Variants in NDST3 observed in about 807,000 individuals in gnomAD.
NDST3 encodes the protein bifunctional heparan sulfate N-deacetylase/N-sulfotransferase 3.
Under a neutral mutation model 96.1 loss-of-function variants are expected in NDST3, and 58 were observed. That is an observed-to-expected ratio of 0.60 (90% CI 0.49 to 0.75). NDST3 has a LOEUF of 0.75. Among genes scored for constraint, NDST3 ranks in the 30% least tolerant of loss-of-function variants. The probability of loss-of-function intolerance (pLI) is 0.00; values close to 1 mark genes in which losing one functional copy is unlikely to be tolerated. For missense variants in NDST3, 788 were observed against 1,034.2 expected (o/e 0.76, Z 3.27); for synonymous variants, 333 against 359.7 (o/e 0.93, Z 0.84).
At chr4:118,128,206 G>A (rs536460633) in intron 4 of NDST3, among the ~76,000 whole-genome samples, 12 of 151,974 alleles carry the variant, frequency 7.9e-5, no homozygotes, top group African/African-American at 2.4e-4. Flanking sequence ...CTCTAGCTAC[G>A]ACTTCCAGTG....
chr4:118,190,247 T>C (rs998110431), intron 6 of NDST3, among the ~76,000 whole-genome samples: 6 of 152,206 alleles, frequency 3.9e-5, no homozygotes, highest in Admixed American at 3.3e-4. Flanking sequence ...TAAAAACCAT[T>C]TTATAATTTT....
chr4:118,192,163 T>C (rs1335800321), intron 6 of NDST3, among the ~76,000 whole-genome samples: 1 of 152,240 alleles, frequency 6.6e-6, no homozygotes, highest in Non-Finnish European at 1.5e-5. Context: ...CTGTTTGAGC[T>C]ACTTATACAT....
At chr4:118,068,578 C>T (rs1726790149) in intron 2 of NDST3, among the ~76,000 whole-genome samples, 2 of 152,004 alleles carry the variant, frequency 1.3e-5, no homozygotes. Flanking sequence ...AATGCAGATT[C>T]CCCAATTCCA....
intron 2 of NDST3, among the ~76,000 whole-genome samples, chr4:118,073,229 G>C (rs1257878439): frequency 1.3e-5 from 2 of 152,014 alleles, no homozygotes; most frequent in East Asian, 3.9e-4. Flanking sequence ...TCAGAATGAT[G>C]CTGATCTCAT....
chr4:118,112,778 A>G (rs1300512005), intron 3 of NDST3, among the ~76,000 whole-genome samples: 1 of 151,978 alleles, frequency 6.6e-6, no homozygotes, highest in Non-Finnish European at 1.5e-5. Context: ...GAGTTTCTAA[A>G]CCCCTGAATC....
chr4:118,109,398 AC>A (rs1292604994), intron 3 of NDST3, among the ~76,000 whole-genome samples: 1 of 152,074 alleles, frequency 6.6e-6, no homozygotes, highest in Non-Finnish European at 1.5e-5. Flanking sequence ...ACTCCTGGCA[AC>A]TCCATTATTT....
intron 2 of NDST3, among the ~76,000 whole-genome samples, chr4:118,067,899 T>G (rs1039346617): frequency 4.6e-5 from 7 of 151,582 alleles, no homozygotes; most frequent in African/African-American, 1.7e-4. Flanking sequence ...TCTACACATG[T>G]ATCCTGGAAC....
chr4:118,083,428 T>A lies in NDST3; in HGVS notation c.982-21590T>A, dbSNP rs147199081. On this transcript the variant is annotated intron_variant, in intron 2 of 13. Coordinates refer to ENST00000296499, the MANE Select transcript of NDST3 (RefSeq NM_004784.3). ...ATTAAATGAGATAGTCCATGTAGAATGCTTAACACAGAGCCTGGTATTCAT... is the reference window on the plus strand; with the variant it reads ...ATTAAATGAGATAGTCCATGTAGAAAGCTTAACACAGAGCCTGGTATTCAT... Among the ~76,000 whole-genome samples, 615 of 152,318 alleles carry A rather than the reference T, an allele frequency of 4.0e-3. 3 individuals are homozygous for A. The highest frequency in any genetic ancestry group is 0.013 in the African/African-American group (551 of 41,580).
intron 6 of NDST3, among the ~76,000 whole-genome samples, chr4:118,222,739 C>G (rs1369089404): frequency 6.6e-6 from 1 of 151,990 alleles, no homozygotes; most frequent in Non-Finnish European, 1.5e-5. Flanking sequence ...ATGTTCTTTA[C>G]TAGCTCATAA....
chr4:118,213,010 C>T (rs981923065), intron 6 of NDST3, among the ~76,000 whole-genome samples: 1 of 152,154 alleles, frequency 6.6e-6, no homozygotes, highest in Admixed American at 6.5e-5. Flanking sequence ...CCCCTATAGT[C>T]TGATGAAAGA....
At chr4:118,203,024 G>C (rs568472852) in intron 6 of NDST3, among the ~76,000 whole-genome samples, 2 of 152,192 alleles carry the variant, frequency 1.3e-5, no homozygotes, top group South Asian at 4.1e-4. Flanking sequence ...TAACATGAAG[G>C]GATGTTGGAT....
intron 4 of NDST3, 66 bp downstream of exon 4, chr4:118,115,026 A>T: frequency 6.5e-7 from 1 of 1,531,856 alleles, no homozygotes; most frequent in Middle Eastern, 1.8e-4. Context: ...AGATTCTTAC[A>T]TTGTGGCATA....
chr4:118,201,853 T>G (rs10025690), intron 6 of NDST3, among the ~76,000 whole-genome samples: 1 of 152,036 alleles, frequency 6.6e-6, no homozygotes, highest in Non-Finnish European at 1.5e-5. Flanking sequence ...GCTAAAAATT[T>G]TTTACCAAGG....
intron 6 of NDST3, among the ~76,000 whole-genome samples, chr4:118,203,965 C>A (rs34302716): frequency 0.052 from 7,870 of 152,240 alleles, 289 homozygotes; most frequent in Non-Finnish European, 0.083. Context: ...TTGCCATTTT[C>A]TACTGGTTTC....
intron 6 of NDST3, among the ~76,000 whole-genome samples, chr4:118,144,923 T>C (rs955971084): frequency 6.6e-6 from 1 of 152,158 alleles, no homozygotes; most frequent in African/African-American, 2.4e-5. Flanking sequence ...TTCATCACTA[T>C]ACCTATGTTT....
At chr4:118,048,837 A>G (rs1289418324) in intron 1 of NDST3, among the ~76,000 whole-genome samples, 3 of 152,128 alleles carry the variant, frequency 2.0e-5, no homozygotes, top group Non-Finnish European at 4.4e-5. Flanking sequence ...GAAAACTAAT[A>G]AACTCCGGAC....
chr4:118,073,605 TTC>T (rs1232631601), intron 2 of NDST3, among the ~76,000 whole-genome samples: 5 of 152,116 alleles, frequency 3.3e-5, no homozygotes, highest in Non-Finnish European at 5.9e-5. Flanking sequence ...TATTCGGATC[TTC>T]TCTCTTTTTC....
chr4:118,198,140 G>T (rs1737822871), intron 6 of NDST3, among the ~76,000 whole-genome samples: 1 of 152,028 alleles, frequency 6.6e-6, no homozygotes, highest in African/African-American at 2.4e-5. Context: ...GTCCTTTGAA[G>T]AACTGTGTCC....
In NDST3 at chr4:118,256,341, A is replaced by C. The variant is rs1241603374; in HGVS notation, c.*629A>C. On this transcript the variant is annotated 3_prime_UTR_variant, in exon 14 of 14. Coordinates refer to ENST00000296499, the MANE Select transcript of NDST3 (RefSeq NM_004784.3). ...GTGCTATAGCAAAAGTGATTTTTTC[A>C]TATACATAGTCTAGTGAATATATGT... 1.3e-5 allele frequency: 2 copies of C among 152,204 alleles called. No individual in the cohort carries two copies. Among genetic ancestry groups the C allele is most frequent in the African/African-American group, 4.8e-5 (2 of 41,460 alleles). 9.4% of individuals were successfully genotyped at this position (152,204 alleles called of 1,614,324 possible).
Sources: gnomAD v4.1 joint callset for allele counts (sites outside exome capture counted in the v4.1 genomes callset) on GRCh38, gnomAD v4.1.1 for gene constraint, MANE v1.5 for transcripts, NCBI Gene and HGNC (gene_info 2026-07-23, HGNC 2026-07-21) for gene names.